The following NCOA2 variants were observed in gnomAD, a reference collection of about 807,000 sequenced individuals.
NCOA2 encodes the protein nuclear receptor coactivator 2.
A neutral mutation model predicts 145.1 loss-of-function variants in NCOA2; 21 were observed. That is an observed-to-expected ratio of 0.14 (90% CI 0.10 to 0.21). The LOEUF (loss-of-function observed/expected upper bound fraction) is 0.21, where lower values mean the gene tolerates loss of function less well. NCOA2 is among the 10% of genes least tolerant of loss of function. The probability of loss-of-function intolerance (pLI) is 1.00; values close to 1 mark genes in which losing one functional copy is unlikely to be tolerated. For synonymous variants in NCOA2, 619 were observed against 637.5 expected (o/e 0.97, Z 0.44); for missense variants, 1,472 against 1,837.6 (o/e 0.80, Z 3.64).
At chr8:70,447,054 G>C in the NCOA2 span, among the ~76,000 whole-genome samples, 1 of 152,152 alleles carries the variant, frequency 6.6e-6, no homozygotes, top group South Asian at 2.1e-4. Flanking sequence ...ATAATAATCT[G>C]TTTTACAGAA....
intron 1 of NCOA2, among the ~76,000 whole-genome samples, chr8:70,344,375 A>G (rs569796715): frequency 1.3e-5 from 2 of 152,352 alleles, no homozygotes; most frequent in South Asian, 2.1e-4. Context: ...CCACAGAGCT[A>G]TAACAGCAAG....
At chr8:70,208,139 C>A (rs763266892) in intron 4 of NCOA2, among the ~76,000 whole-genome samples, 13 of 151,756 alleles carry the variant, frequency 8.6e-5, no homozygotes, top group Non-Finnish European at 1.6e-4. Context: ...AGCCTTTTTG[C>A]TGATATGCAC....
chr8:70,154,018 T>C (rs1812033968), intron 11 of NCOA2, among the ~76,000 whole-genome samples: 1 of 152,180 alleles, frequency 6.6e-6, no homozygotes, highest in Admixed American at 6.5e-5. Context: ...GAAGCCTAGA[T>C]GGAGCCCAGC....
chr8:70,377,566 T>G (rs1811794567), intron 1 of NCOA2, among the ~76,000 whole-genome samples: 1 of 152,174 alleles, frequency 6.6e-6, no homozygotes. Context: ...CACATCAAAC[T>G]GTGATTTGAA....
intron 4 of NCOA2, among the ~76,000 whole-genome samples, chr8:70,204,307 G>A (rs1014863568): frequency 4.6e-5 from 7 of 151,910 alleles, no homozygotes; most frequent in South Asian, 2.1e-4. Context: ...CATGACCGGC[G>A]AATAGGATTT....
At chr8:70,212,192 A>G (rs768125364) in intron 4 of NCOA2, among the ~76,000 whole-genome samples, 3 of 152,006 alleles carry the variant, frequency 2.0e-5, no homozygotes, top group Non-Finnish European at 4.4e-5. Context: ...AAGAAGCTTA[A>G]TGATTTCTTT....
At chr8:70,343,722 A>T (rs13266875) in intron 1 of NCOA2, among the ~76,000 whole-genome samples, 15,874 of 151,768 alleles carry the variant, frequency 0.1, 1,255 homozygotes, top group East Asian at 0.4. Flanking sequence ...GAGGCAGGAG[A>T]ATCGCTTGAA....
chr8:70,325,181 GAC>G (rs1324543419), intron 1 of NCOA2, among the ~76,000 whole-genome samples: 3 of 152,244 alleles, frequency 2.0e-5, no homozygotes, highest in African/African-American at 7.2e-5. Flanking sequence ...GAAACTGTAT[GAC>G]AGAAATCTTT....
the NCOA2 span, among the ~76,000 whole-genome samples, chr8:70,428,324 A>C: frequency 1.3e-5 from 2 of 151,840 alleles, no homozygotes; most frequent in African/African-American, 4.8e-5. Context: ...GCAGGGCATG[A>C]TGGCATGCAC....
chr8:70,301,392 G>A (rs762684040), intron 1 of NCOA2, among the ~76,000 whole-genome samples: 14 of 151,832 alleles, frequency 9.2e-5, no homozygotes, highest in Non-Finnish European at 1.5e-4. Flanking sequence ...GGTGGCTCCC[G>A]CCTGTACTCC....
upstream of NCOA2, chr8:70,403,856 T>G (rs984266713): frequency 3.1e-5 from 12 of 383,558 alleles, no homozygotes; most frequent in Non-Finnish European, 5.1e-5. Flanking sequence ...TCCCTCCTCC[T>G]CCTCCTCCTC....
At chr8:70,262,535 C>T (rs894066715) in intron 2 of NCOA2, among the ~76,000 whole-genome samples, 4 of 152,130 alleles carry the variant, frequency 2.6e-5, no homozygotes, top group Non-Finnish European at 5.9e-5. Context: ...GGTACTGCTG[C>T]GGGAAAGATT....
At chr8:70,270,611 C>CCATTATTTGT (rs143552873) in intron 2 of NCOA2, among the ~76,000 whole-genome samples, 6,905 of 151,958 alleles carry the variant, frequency 0.045, 262 homozygotes, top group East Asian at 0.16. Context: ...CACTATAATC[C>CCATTATTTGT]CATTATTTGT....
At chr8:70,124,199 G>C in intron 20 of NCOA2, 117 bp from the exon 21 acceptor site, 2 of 958,074 alleles carry the variant, frequency 2.1e-6, no homozygotes, top group Non-Finnish European at 3.1e-6. Flanking sequence ...TGAACTGCAT[G>C]AACCCAGGCT....
intron 2 of NCOA2, among the ~76,000 whole-genome samples, chr8:70,258,609 T>C (rs1823859555): frequency 6.6e-6 from 1 of 152,206 alleles, no homozygotes; most frequent in Non-Finnish European, 1.5e-5. Context: ...TTTTGCAGTT[T>C]CTCTTCATCA....
At chr8:70,119,343 A>C (rs954607636) in intron 22 of NCOA2, among the ~76,000 whole-genome samples, 1 of 152,196 alleles carries the variant, frequency 6.6e-6, no homozygotes, top group Non-Finnish European at 1.5e-5. Flanking sequence ...ATCTCAGTTA[A>C]GATAATGACC....
rs983688306 is a variant in NCOA2 at position 70,267,473 on chromosome 8, C to T, written c.-20+29271G>A. ...GAGTACAGTGACAATCACAGCTCAC[C>T]GCAGGCCTCAATCTCCCAGACTCAG... On this transcript the variant is annotated intron_variant, in intron 2 of 22. Coordinates refer to ENST00000452400, the MANE Select transcript of NCOA2 (RefSeq NM_006540.4). Among the ~76,000 whole-genome samples the T allele has an allele frequency of 4.6e-5, 7 of 151,204 alleles. No homozygotes were observed. The East Asian group carries it at 1.2e-3, about 25-fold the overall frequency.
chr8:70,278,354 A>C (rs548949910), intron 2 of NCOA2, among the ~76,000 whole-genome samples: 1 of 152,300 alleles, frequency 6.6e-6, no homozygotes, highest in East Asian at 1.9e-4. Flanking sequence ...TATTATGACT[A>C]ATGCTGCTAT....
rs1813730892 is a variant in NCOA2, at chr8:70,167,336, T to C, written c.542-582A>G. 2.0e-5 allele frequency among the ~76,000 whole-genome samples: 3 copies of C among 152,264 alleles called. No homozygotes were observed. The South Asian group carries it at 6.2e-4, about 32-fold the overall frequency. ...CATCCATCTAACGGGATCTTCCACATTCCCCTGCACAAGCCTCCCCATGCT... is the reference window on the plus strand; with the variant it reads ...CATCCATCTAACGGGATCTTCCACACTCCCCTGCACAAGCCTCCCCATGCT... On this transcript the variant is annotated intron_variant, in intron 6 of 22. Transcript: ENST00000452400.
Sources: gnomAD v4.1 joint callset for allele counts (sites outside exome capture counted in the v4.1 genomes callset) on GRCh38, gnomAD v4.1.1 for gene constraint, MANE v1.5 for transcripts, NCBI Gene and HGNC (gene_info 2026-07-23, HGNC 2026-07-21) for gene names.